Variants in INPP4B observed in about 807,000 individuals in gnomAD.
The protein encoded by INPP4B is inositol polyphosphate-4-phosphatase type II B, also known as inositol polyphosphate 4-phosphatase type II.
A neutral mutation model predicts 122.5 loss-of-function variants in INPP4B; 55 were observed. That is an observed-to-expected ratio of 0.45 (90% CI 0.36 to 0.56). The LOEUF (loss-of-function observed/expected upper bound fraction) is 0.56. INPP4B is among the 20% of genes least tolerant of loss of function. The probability of loss-of-function intolerance (pLI) is 0.00; values close to 1 mark genes in which losing one functional copy is unlikely to be tolerated. For missense variants in INPP4B, 1,000 were observed against 1,097.7 expected, an observed-to-expected ratio of 0.91 and a Z score of 1.26; for synonymous variants, 403 against 388.7, an observed-to-expected ratio of 1.04 and a Z score of -0.43.
chr4:142,171,747 C>T (rs1018812401), intron 16 of INPP4B, among the ~76,000 whole-genome samples: 2 of 151,830 alleles, frequency 1.3e-5, no homozygotes, highest in African/African-American at 4.8e-5. Context: ...GTCGACTAAG[C>T]TTGTCTACTC....
Position 142,696,668 on chromosome 4 carries a change from T to G in INPP4B, c.-191+29171A>C, listed in dbSNP as rs375439001. On this transcript the variant is annotated intron_variant, in intron 2 of 25. Transcript: ENST00000262992. ...CTGCCTTGCCATCAGCTACTACTTA[T>G]GTTGTTCTCCAAACATTTCAAAACC... Among the ~76,000 whole-genome samples, 10 of 152,272 alleles carry G rather than the reference T, an allele frequency of 6.6e-5. No individual in the cohort carries two copies. The East Asian group carries it at 9.6e-4, about 15-fold the overall frequency.
At chr4:142,086,356 T>C (rs1776759216) in intron 23 of INPP4B, 100 bp from the exon 24 acceptor site, 4 of 690,704 alleles carry the variant, frequency 5.8e-6, no homozygotes, top group Non-Finnish European at 1.0e-5. Flanking sequence ...AAACACAACT[T>C]TTCTTTTAGG....
intron 18 of INPP4B, among the ~76,000 whole-genome samples, chr4:142,132,610 G>A (rs1801881245): frequency 6.6e-6 from 1 of 152,080 alleles, no homozygotes; most frequent in African/African-American, 2.4e-5. Flanking sequence ...TATTTCTGAG[G>A]ATGAACTGTT....
intron 1 of INPP4B, among the ~76,000 whole-genome samples, chr4:142,790,108 G>A (rs979221405): frequency 6.6e-6 from 1 of 152,016 alleles, no homozygotes; most frequent in Admixed American, 6.6e-5. Flanking sequence ...TTAAATCTAA[G>A]ACCTGAAACT....
intron 3 of INPP4B, among the ~76,000 whole-genome samples, chr4:142,452,765 C>T (rs1395393299): frequency 6.6e-6 from 1 of 152,154 alleles, no homozygotes; most frequent in Non-Finnish European, 1.5e-5. Flanking sequence ...ACAGGATGTT[C>T]TCAAAAAGAC....
At chr4:142,130,558 G>T (rs1800769038) in intron 18 of INPP4B, among the ~76,000 whole-genome samples, 1 of 152,166 alleles carries the variant, frequency 6.6e-6, no homozygotes, top group African/African-American at 2.4e-5. Flanking sequence ...ATGTGTATCA[G>T]ACAGGGTGAA....
At chr4:142,442,584 T>C (rs1222628796) in intron 3 of INPP4B, among the ~76,000 whole-genome samples, 2 of 152,070 alleles carry the variant, frequency 1.3e-5, no homozygotes, top group Non-Finnish European at 2.9e-5. Flanking sequence ...ATTTAGGATG[T>C]ACAAAGATAT....
chr4:142,436,457 A>AC (rs1353416408), intron 3 of INPP4B, among the ~76,000 whole-genome samples: 2 of 151,906 alleles, frequency 1.3e-5, no homozygotes, highest in African/African-American at 2.4e-5. Flanking sequence ...CAACTGGGTG[A>AC]CCCCCCACAA....
At chr4:142,051,527 C>CTATT (rs1157864639) in intron 25 of INPP4B, among the ~76,000 whole-genome samples, 3 of 151,900 alleles carry the variant, frequency 2.0e-5, no homozygotes, top group African/African-American at 7.2e-5. Flanking sequence ...AAATGTACAT[C>CTATT]TATTTTTTAT....
chr4:142,570,649 T>A (rs943241561), intron 2 of INPP4B, among the ~76,000 whole-genome samples: 2 of 152,048 alleles, frequency 1.3e-5, no homozygotes, highest in African/African-American at 4.8e-5. Flanking sequence ...AATAAAAAAA[T>A]TTGTTAGCAA....
intron 9 of INPP4B, among the ~76,000 whole-genome samples, chr4:142,304,978 ATG>A (rs1396518207): frequency 6.6e-6 from 1 of 152,164 alleles, no homozygotes; most frequent in African/African-American, 2.4e-5. Context: ...TCAAGAAAGA[ATG>A]TGTTTTAACT....
intron 2 of INPP4B, among the ~76,000 whole-genome samples, chr4:142,561,482 G>A (rs750147222): frequency 3.3e-5 from 5 of 152,024 alleles, no homozygotes; most frequent in East Asian, 3.9e-4. Context: ...GTAGTGGCGC[G>A]ATCTCAGCTC....
intron 23 of INPP4B, among the ~76,000 whole-genome samples, chr4:142,106,023 AGATTG>A (rs1206331584): frequency 6.6e-6 from 1 of 152,192 alleles, no homozygotes; most frequent in Non-Finnish European, 1.5e-5. Context: ...ATAATTGTAT[AGATTG>A]GAGTTGTACT....
At chr4:142,373,280 A>T (rs1790588889) in intron 7 of INPP4B, among the ~76,000 whole-genome samples, 1 of 152,058 alleles carries the variant, frequency 6.6e-6, no homozygotes, top group Non-Finnish European at 1.5e-5. Flanking sequence ...TGACCTTTTA[A>T]GGTTCTGACA....
chr4:142,432,604 A>G (rs1809564625), intron 3 of INPP4B, among the ~76,000 whole-genome samples: 1 of 152,186 alleles, frequency 6.6e-6, no homozygotes, highest in South Asian at 2.1e-4. Context: ...TTTTTTTACC[A>G]TTAAATTTAG....
At chr4:142,149,813 A>G (rs1216724889) in intron 17 of INPP4B, among the ~76,000 whole-genome samples, 1 of 152,200 alleles carries the variant, frequency 6.6e-6, no homozygotes. Context: ...CACAAAGGAC[A>G]TAAGTGACCT....
Position 142,260,527 on chromosome 4 carries a change from A to C in INPP4B, c.653T>G (p.Val218Gly). The change falls in exon 11 of 26, where the codon GTG becomes GGG. Residue 218 changes from valine to glycine, a missense_variant. Transcript: ENST00000262992. ...AAAAGGTAAGTTATCTTTTCCGCTCACACTTTCCGGGGCTGTACATTCACA... is the reference window on the plus strand; with the variant it reads ...AAAAGGTAAGTTATCTTTTCCGCTCCCACTTTCCGGGGCTGTACATTCACA... ...LVCECTAPES[V>G]SGKDNLPFLN... 1 of 1,609,928 alleles carries C rather than the reference A, an allele frequency of 6.2e-7. No homozygotes were observed. The highest frequency in any genetic ancestry group is 1.1e-5 in the South Asian group (1 of 90,666).
chr4:142,287,488 G>A (rs1027067116), intron 9 of INPP4B: 1 of 152,062 alleles, frequency 6.6e-6, no homozygotes, highest in African/African-American at 2.4e-5. Context: ...CCTGAGTTTG[G>A]GCATGTTGTG....
Position 142,416,714 on chromosome 4 carries a change from G to A in INPP4B, c.137-11390C>T, listed in dbSNP as rs1045406070. Among the ~76,000 whole-genome samples, 7 of 152,228 alleles carry A rather than the reference G, an allele frequency of 4.6e-5. No homozygotes were observed. The East Asian group carries it at 1.2e-3, about 25-fold the overall frequency. On this transcript the variant is annotated intron_variant, in intron 5 of 25. Transcript: ENST00000262992. Reference sequence around the variant, plus strand: ...AAGAACCAGTTTTGAAGTGCTTAAAGAAGATAACTCCAGTTTCGCTTCAGT... The same window carrying A: ...AAGAACCAGTTTTGAAGTGCTTAAAAAAGATAACTCCAGTTTCGCTTCAGT...
Sources: gnomAD v4.1 joint callset for allele counts (sites outside exome capture counted in the v4.1 genomes callset) on GRCh38, gnomAD v4.1.1 for gene constraint, MANE v1.5 for transcripts, NCBI Gene and HGNC (gene_info 2026-07-23, HGNC 2026-07-21) for gene names.